CDKN3: variants seen among roughly 807,000 people sequenced by gnomAD.
CDKN3 encodes the protein cyclin-dependent kinase inhibitor 3.
Under a neutral mutation model 36.1 loss-of-function variants are expected in CDKN3, and 19 were observed. The observed-to-expected ratio is 0.53, with a 90% CI of 0.37 to 0.77. The LOEUF (loss-of-function observed/expected upper bound fraction) is 0.77, where lower values mean the gene tolerates loss of function less well. Among genes scored for constraint, CDKN3 ranks in the 30% least tolerant of loss-of-function variants. The pLI is 0.00. For missense variants in CDKN3, 188 were observed against 248.6 expected (o/e 0.76, Z 1.64); for synonymous variants, 71 against 85.3 (o/e 0.83, Z 0.92).
At chr14:54,412,189 T>C (rs2030381597) in intron 5 of CDKN3, among the ~76,000 whole-genome samples, 1 of 152,092 alleles carries the variant, frequency 6.6e-6, no homozygotes, top group African/African-American at 2.4e-5. Context: ...AAGACCAGCC[T>C]GGGCAACATG....
chr14:54,404,625 A>C (rs551788553), intron 3 of CDKN3, among the ~76,000 whole-genome samples: 1 of 151,852 alleles, frequency 6.6e-6, no homozygotes, highest in Admixed American at 6.5e-5. Flanking sequence ...CCCAGGCTAC[A>C]GTGCAATGGC....
intron 6 of CDKN3, among the ~76,000 whole-genome samples, chr14:54,416,660 C>T (rs2030562916): frequency 6.6e-6 from 1 of 151,964 alleles, no homozygotes; most frequent in Non-Finnish European, 1.5e-5. Context: ...ACAAGAAATA[C>T]AAAAATTAGC....
chr14:54,416,279 C>T (rs2030545237), intron 6 of CDKN3, among the ~76,000 whole-genome samples: 1 of 151,912 alleles, frequency 6.6e-6, no homozygotes, highest in Non-Finnish European at 1.5e-5. Context: ...AAGTTAATTA[C>T]TATATGTTAA....
chr14:54,408,005 A>G (rs1037662507), intron 3 of CDKN3, among the ~76,000 whole-genome samples: 1 of 151,892 alleles, frequency 6.6e-6, no homozygotes, highest in Non-Finnish European at 1.5e-5. Context: ...TTCTTTATCT[A>G]CTCATTAATT....
At chr14:54,411,176 C>CAAAAA (rs376186329) in intron 4 of CDKN3, 16 of 123,564 alleles carry the variant, frequency 1.3e-4, no homozygotes, top group Admixed American at 2.4e-4. Flanking sequence ...GACTCCATCT[C>CAAAAA]AAAAAAAAAA....
At chr14:54,418,085 C>T (rs985818238) in intron 7 of CDKN3, 134 bp downstream of exon 7, 3 of 686,308 alleles carry the variant, frequency 4.4e-6, no homozygotes, top group Non-Finnish European at 8.0e-6. Context: ...CTCTGTTATT[C>T]AAATACCACT....
At chr14:54,400,537 T>G (rs2029903255) in intron 2 of CDKN3, among the ~76,000 whole-genome samples, 1 of 152,206 alleles carries the variant, frequency 6.6e-6, no homozygotes, top group Non-Finnish European at 1.5e-5. Flanking sequence ...CCTTTTAATC[T>G]TGGCAAGTGA....
At chr14:54,413,677 C>T in intron 5 of CDKN3, 4 of 1,535,392 alleles carry the variant, frequency 2.6e-6, no homozygotes, top group South Asian at 1.2e-5. Flanking sequence ...ACCCACACTT[C>T]TAGACAGCTA....
intron 5 of CDKN3, among the ~76,000 whole-genome samples, chr14:54,414,952 G>A (rs1594608513): frequency 6.6e-6 from 1 of 151,352 alleles, no homozygotes; most frequent in East Asian, 1.9e-4. Flanking sequence ...TACCTATTCA[G>A]TCCTCTATTT....
intron 5 of CDKN3, among the ~76,000 whole-genome samples, chr14:54,412,160 C>T (rs1340773101): frequency 1.3e-5 from 2 of 152,108 alleles, no homozygotes; most frequent in African/African-American, 4.8e-5. Flanking sequence ...GTGGGTGGCT[C>T]ACTTGAGCTC....
intron 6 of CDKN3, 23 bp downstream of exon 6, chr14:54,415,953 T>G (rs2030526296): frequency 1.3e-6 from 2 of 1,539,142 alleles, no homozygotes; most frequent in South Asian, 2.2e-5. Flanking sequence ...TTTCTATTAT[T>G]TTTTTAACCG....
chr14:54,417,185 A>C (rs985199786), intron 6 of CDKN3, among the ~76,000 whole-genome samples: 1 of 152,242 alleles, frequency 6.6e-6, no homozygotes, highest in African/African-American at 2.4e-5. Flanking sequence ...GTATATACCC[A>C]AAGACTTGTA....
Position 54,407,193 on chromosome 14 carries a change from T to G in CDKN3, c.149-1552T>G, listed in dbSNP as rs1470586653. The stretch of plus-strand genomic sequence containing the variant: ...GTGGAGGCTGCAGAACAGCAAAGAT[T>G]GCTGCCTGCTCCTTCCTCTGGAAGT... On this transcript the variant is annotated intron_variant, in intron 3 of 7. Transcript: ENST00000335183. Among the ~76,000 whole-genome samples, 3 of 152,214 alleles carry G rather than the reference T, an allele frequency of 2.0e-5. No homozygotes were observed. In the East Asian group the frequency reaches 5.8e-4, roughly 29 times the overall value.
intron 1 of CDKN3, among the ~76,000 whole-genome samples, chr14:54,398,811 G>T (rs1284872677): frequency 6.6e-6 from 1 of 152,028 alleles, no homozygotes; most frequent in African/African-American, 2.4e-5. Context: ...AAAGTTGGAG[G>T]CAGGTTATTT....
chr14:54,415,080 C>G (rs146784620), intron 5 of CDKN3, among the ~76,000 whole-genome samples: 1 of 152,026 alleles, frequency 6.6e-6, no homozygotes, highest in East Asian at 1.9e-4. Flanking sequence ...AGTATACCCT[C>G]TAAGTACATT....
intron 4 of CDKN3, among the ~76,000 whole-genome samples, chr14:54,409,675 A>C (rs1442279791): frequency 2.6e-5 from 4 of 152,006 alleles, no homozygotes; most frequent in African/African-American, 9.7e-5. Context: ...TCTGCAAAAA[A>C]TACAAAAATT....
intron 3 of CDKN3, among the ~76,000 whole-genome samples, chr14:54,403,449 A>G (rs2030034806): frequency 6.6e-6 from 1 of 152,086 alleles, no homozygotes; most frequent in Admixed American, 6.5e-5. Context: ...GGCTGAGACA[A>G]TGAGGTTTCT....
intron 4 of CDKN3, chr14:54,411,230 C>CAA (rs754106708): frequency 2.1e-5 from 8 of 386,330 alleles, no homozygotes; most frequent in African/African-American, 1.7e-4. Context: ...GTATTCATTG[C>CAA]AAAAAAAAAT....
chr14:54,412,392 A>AG (rs111705220), intron 5 of CDKN3, among the ~76,000 whole-genome samples: 1 of 150,798 alleles, frequency 6.6e-6, no homozygotes, highest in Non-Finnish European at 1.5e-5. Flanking sequence ...AGAAAAAAAA[A>AG]AATAAAGAAA....
Sources: allele counts gnomAD v4.1 joint callset (sites outside exome capture counted in the v4.1 genomes callset), GRCh38; gene constraint gnomAD v4.1.1; transcripts MANE v1.5; gene names NCBI Gene and HGNC (gene_info 2026-07-23, HGNC 2026-07-21).